The following GALK2 variants were observed in gnomAD, a reference collection of about 807,000 sequenced individuals.
The protein encoded by GALK2 is galactokinase 2, also known as N-acetylgalactosamine kinase.
A neutral mutation model predicts 52.4 loss-of-function variants in GALK2; 36 were observed. The ratio of observed to expected loss-of-function variants is 0.69; its 90% CI spans 0.53 to 0.91. The LOEUF (loss-of-function observed/expected upper bound fraction) is 0.91, where lower values mean the gene tolerates loss of function less well. GALK2 is among the 40% of genes least tolerant of loss of function. GALK2 has a pLI of 0.00. For synonymous variants in GALK2, 176 were observed against 199.1 expected (o/e 0.88, Z 0.98); for missense variants, 579 against 559.1 (o/e 1.04, Z -0.36).
chr15:49,164,329 A>G (rs626855), intron 1 of GALK2, among the ~76,000 whole-genome samples: 72,596 of 151,382 alleles, frequency 0.48, 18,026 homozygotes, highest in African/African-American at 0.61. Context: ...ACTGGAGAGC[A>G]TTAGCAAATG....
chr15:49,328,845 T>C lies in GALK2; in HGVS notation c.*686T>C. On this transcript the variant is annotated 3_prime_UTR_variant, in exon 10 of 10. Transcript: ENST00000560031. ...GACTCATTTGAATATTTGTAAACCA[T>C]GTAATATATAAATAACCACTTTCAA... is the stretch of plus-strand genomic sequence containing the variant. 7.3e-7 allele frequency: 1 copy of C among 1,371,956 alleles called. No individual in the cohort carries two copies. The highest frequency in any genetic ancestry group is 1.9e-5 in the South Asian group (1 of 51,378). 85.0% of individuals were successfully genotyped at this position (1,371,956 alleles called of 1,614,324 possible).
intron 1 of GALK2, among the ~76,000 whole-genome samples, chr15:49,161,477 A>T (rs1346396998): frequency 6.6e-6 from 1 of 152,240 alleles, no homozygotes; most frequent in Non-Finnish European, 1.5e-5. Flanking sequence ...TGAATACTTT[A>T]TACCGTTAAG....
exon 4 of GALK2, chr15:49,367,615 G>A (rs765828688): frequency 3.9e-5 from 60 of 1,539,366 alleles, no homozygotes; most frequent in Non-Finnish European, 5.0e-5. Flanking sequence ...GCGACTGTAA[G>A]AGGAAGAAAA....
At chr15:49,317,519 G>C (rs1487968613) in intron 8 of GALK2, among the ~76,000 whole-genome samples, 1 of 151,990 alleles carries the variant, frequency 6.6e-6, no homozygotes. Context: ...CAAGGATCTT[G>C]AACTAGAAAG....
At chr15:49,262,726 A>T in intron 5 of GALK2, among the ~76,000 whole-genome samples, 1 of 142,370 alleles carries the variant, frequency 7.0e-6, no homozygotes, top group Non-Finnish European at 1.5e-5. Context: ...ATTTCCCTCT[A>T]CACACTGCTT....
chr15:49,277,000 C>G (rs1202627009), intron 5 of GALK2, among the ~76,000 whole-genome samples: 24 of 124,564 alleles, frequency 1.9e-4, no homozygotes, highest in African/African-American at 5.8e-4. Flanking sequence ...GACAGAGTCT[C>G]GCTCTGTCCC....
At chr15:49,247,872 TGA>T (rs2091426835) in intron 5 of GALK2, among the ~76,000 whole-genome samples, 3 of 152,248 alleles carry the variant, frequency 2.0e-5, no homozygotes, top group African/African-American at 7.2e-5. Flanking sequence ...CTTAAGTCCC[TGA>T]ACAGATTTAC....
At chr15:49,260,919 G>C (rs1418988518) in intron 5 of GALK2, among the ~76,000 whole-genome samples, 5 of 152,192 alleles carry the variant, frequency 3.3e-5, no homozygotes, top group Admixed American at 2.0e-4. Flanking sequence ...CTGTTCCATT[G>C]ATCTATATCT....
intron 3 of GALK2, chr15:49,364,999 TA>T: frequency 2.3e-6 from 1 of 440,650 alleles, no homozygotes; most frequent in East Asian, 4.3e-5. Context: ...TACCAGCTCA[TA>T]AAAATATATA....
chr15:49,259,281 G>C (rs193032956), intron 5 of GALK2, among the ~76,000 whole-genome samples: 3 of 151,140 alleles, frequency 2.0e-5, no homozygotes, highest in Non-Finnish European at 4.4e-5. Flanking sequence ...CTGTTGTGCT[G>C]CACCCATTAA....
intron 3 of GALK2, among the ~76,000 whole-genome samples, chr15:49,358,800 A>T (rs2043645471): frequency 6.6e-6 from 1 of 152,134 alleles, no homozygotes; most frequent in Non-Finnish European, 1.5e-5. Flanking sequence ...AGCCAGAAGA[A>T]CAAAGCTGGA....
chr15:49,186,920 G>T (rs969046656), intron 1 of GALK2, among the ~76,000 whole-genome samples: 1 of 152,132 alleles, frequency 6.6e-6, no homozygotes, highest in African/African-American at 2.4e-5. Context: ...TGCCACTCTG[G>T]GAATGGCCAC....
At chr15:49,306,278 A>C (rs1377301898) in intron 8 of GALK2, among the ~76,000 whole-genome samples, 6 of 152,194 alleles carry the variant, frequency 3.9e-5, no homozygotes, top group African/African-American at 1.4e-4. Flanking sequence ...CTGTTGACGT[A>C]ATCTGTTCAC....
chr15:49,289,620 G>A (rs1182510596), intron 7 of GALK2, among the ~76,000 whole-genome samples: 1 of 152,154 alleles, frequency 6.6e-6, no homozygotes, highest in Non-Finnish European at 1.5e-5. Flanking sequence ...CTTGCCCATG[G>A]TGGGACATGA....
intron 3 of GALK2, among the ~76,000 whole-genome samples, chr15:49,341,655 ATCTT>A (rs1023223096): frequency 6.6e-6 from 1 of 152,170 alleles, no homozygotes; most frequent in African/African-American, 2.4e-5. Context: ...TCTGGCTGAG[ATCTT>A]TCTAACTTTT....
chr15:49,234,601 C>T (rs766436367), intron 3 of GALK2, among the ~76,000 whole-genome samples: 3 of 152,092 alleles, frequency 2.0e-5, no homozygotes, highest in Non-Finnish European at 4.4e-5. Flanking sequence ...CTTTGTAAAA[C>T]CAGCGGATCC....
At position 49,235,847 on chromosome 15, in the gene GALK2, G is replaced by T; in HGVS notation, c.267-4G>T. ...TAAATTAATGGTGTCTTTTGTCTTC[G>T]CAGGGACTTCAGTACTAGTGCTAAT... On this transcript the variant is annotated splice_region_variant and splice_polypyrimidine_tract_variant and intron_variant, in intron 3 of 9. Coordinates refer to ENST00000560031, the MANE Select transcript of GALK2 (RefSeq NM_002044.4). 4 of 1,601,988 alleles carry T rather than the reference G, an allele frequency of 2.5e-6. No homozygotes were observed. Among genetic ancestry groups the T allele is most frequent in the South Asian group, 1.1e-5 (1 of 90,592 alleles).
chr15:49,178,197 AT>A (rs2085635845), intron 1 of GALK2, among the ~76,000 whole-genome samples: 1 of 91,264 alleles, frequency 1.1e-5, no homozygotes, highest in Non-Finnish European at 2.2e-5. Flanking sequence ...AAGAAATACT[AT>A]ATATATATAT....
At chr15:49,360,028 G>A (rs2043905692) in intron 3 of GALK2, among the ~76,000 whole-genome samples, 1 of 138,954 alleles carries the variant, frequency 7.2e-6, no homozygotes, top group Admixed American at 8.0e-5. Context: ...TCATAGGTGG[G>A]AATTCAACAA....
Sources: allele counts gnomAD v4.1 joint callset (sites outside exome capture counted in the v4.1 genomes callset), GRCh38; gene constraint gnomAD v4.1.1; transcripts MANE v1.5; gene names NCBI Gene and HGNC (gene_info 2026-07-23, HGNC 2026-07-21).